SLC41A3: variants seen among roughly 807,000 people sequenced by gnomAD.
SLC41A3 encodes the protein solute carrier family 41 member 3.
Under a neutral mutation model 45.4 loss-of-function variants are expected in SLC41A3, and 44 were observed. The observed-to-expected ratio is 0.97, with a 90% CI of 0.76 to 1.25. The LOEUF (loss-of-function observed/expected upper bound fraction) is 1.25, where lower values mean the gene tolerates loss of function less well. Among genes scored for constraint, SLC41A3 ranks in the 50% most tolerant of loss-of-function variants. The probability of loss-of-function intolerance (pLI) is 0.00; values close to 1 mark genes in which losing one functional copy is unlikely to be tolerated. For missense variants in SLC41A3, 550 were observed against 600.6 expected (o/e 0.92, Z 0.88); for synonymous variants, 256 against 252.4 (o/e 1.01, Z -0.13).
intron 8 of SLC41A3, among the ~76,000 whole-genome samples, chr3:126,013,688 G>C (rs3804586): frequency 6.6e-6 from 1 of 151,916 alleles, no homozygotes; most frequent in African/African-American, 2.4e-5. Flanking sequence ...GTCTGAGAGC[G>C]TTGAAGAAAA....
At chr3:126,057,155 A>G (rs1943722326) in intron 2 of SLC41A3, 6 of 985,360 alleles carry the variant, frequency 6.1e-6, no homozygotes, top group Non-Finnish European at 7.2e-6. Flanking sequence ...CAAGCAGTCT[A>G]TGGGTCCCCA....
chr3:126,043,185 T>C (rs975852005), intron 3 of SLC41A3, among the ~76,000 whole-genome samples: 1 of 152,022 alleles, frequency 6.6e-6, no homozygotes, highest in African/African-American at 2.4e-5. Context: ...CAAAAGATCC[T>C]CAATAAAATC....
At chr3:126,029,363 C>T (rs1007009216) in intron 4 of SLC41A3, among the ~76,000 whole-genome samples, 2 of 136,064 alleles carry the variant, frequency 1.5e-5, no homozygotes, top group Non-Finnish European at 3.2e-5. Context: ...AAGTATGTGG[C>T]ACTCCCTCCC....
intron 1 of SLC41A3, among the ~76,000 whole-genome samples, chr3:126,071,006 T>A (rs1454354665): frequency 6.6e-6 from 1 of 150,802 alleles, no homozygotes; most frequent in African/African-American, 2.4e-5. Flanking sequence ...GAAAAAAAAA[T>A]ATAAAAGAAA....
At chr3:126,058,395 T>G (rs2107950523) in intron 2 of SLC41A3, among the ~76,000 whole-genome samples, 1 of 152,310 alleles carries the variant, frequency 6.6e-6, no homozygotes, top group African/African-American at 2.4e-5. Context: ...CTGGTAGGGA[T>G]GAGCATGTAT....
chr3:126,096,270 G>T (rs1176818860), intron 1 of SLC41A3, among the ~76,000 whole-genome samples: 1 of 152,140 alleles, frequency 6.6e-6, no homozygotes, highest in Non-Finnish European at 1.5e-5. Flanking sequence ...GTTTTTCTTT[G>T]TATAGTCTGC....
At chr3:126,043,466 C>T (rs2107828588) in intron 3 of SLC41A3, among the ~76,000 whole-genome samples, 1 of 151,688 alleles carries the variant, frequency 6.6e-6, no homozygotes, top group South Asian at 2.1e-4. Context: ...TAATATTCTC[C>T]AATAAAGGTA....
chr3:126,083,448 C>T (rs72965923), intron 1 of SLC41A3, among the ~76,000 whole-genome samples: 257 of 152,300 alleles, frequency 1.7e-3, no homozygotes, highest in African/African-American at 6.1e-3. Context: ...AGACCTATCC[C>T]ACCGGCTCTC....
chr3:126,067,094 C>CGCGCG (rs149577703), intron 2 of SLC41A3, among the ~76,000 whole-genome samples: 3,660 of 125,398 alleles, frequency 0.029, 189 homozygotes, highest in East Asian at 0.098. Context: ...GGTTGGACCG[C>CGCGCG]CCCCCCGCCC....
Position 126,012,715 on chromosome 3 carries a change from G to C in SLC41A3, c.1005C>G (p.Ser335Arg), listed in dbSNP as rs1037310826. ...ACATGTGCAGGTAGGTTGAGATTCG[G>C]CTGGTCTGAATGGCCACCAGATTGC... ...VGGNLVAIQT[S>R]RISTYLHMWS... is the part of the protein sequence containing the mutation. The change falls in exon 9 of 11, where the codon AGC (serine) becomes AGG (arginine). Residue 335 changes from serine (S) to arginine (R), a missense_variant. Coordinates refer to ENST00000360370, the MANE Select transcript of SLC41A3 (RefSeq NM_017836.4). The C allele has an allele frequency of 6.2e-7, 1 of 1,614,212 alleles. No homozygotes were observed. Among genetic ancestry groups the C allele is most frequent in the Non-Finnish European group, 8.5e-7 (1 of 1,180,044 alleles).
chr3:126,067,018 G>A (rs1276018095), intron 2 of SLC41A3, among the ~76,000 whole-genome samples: 3 of 137,374 alleles, frequency 2.2e-5, no homozygotes, highest in Non-Finnish European at 4.8e-5. Context: ...TGGATTGACA[G>A]GCAAAATATC....
Position 126,026,652 on chromosome 3 carries a change from C to A in SLC41A3, c.454-173G>T, listed in dbSNP as rs1412057406. On this transcript the variant is annotated intron_variant, in intron 4 of 10. Transcript: ENST00000360370. The surrounding 1 kb of genome is among the most constrained non-coding windows in gnomAD (Gnocchi z 4.2). Reference sequence around the variant, plus strand: ...CAGGAAAAACTAATACCACACCCCACACCTGCCTTGAACTCAACTCCTCCG... The same window carrying A: ...CAGGAAAAACTAATACCACACCCCAAACCTGCCTTGAACTCAACTCCTCCG... 2.6e-5 allele frequency among the ~76,000 whole-genome samples: 4 copies of A among 152,212 alleles called. No individual in the cohort carries two copies. Among genetic ancestry groups the A allele is most frequent in the Non-Finnish European group, 5.9e-5 (4 of 68,034 alleles).
intron 3 of SLC41A3, among the ~76,000 whole-genome samples, chr3:126,043,101 T>C (rs1942702418): frequency 6.6e-6 from 1 of 151,230 alleles, no homozygotes. Flanking sequence ...AGACACATTA[T>C]AAACAAACTA....
intron 10 of SLC41A3, 43 bp downstream of exon 10, chr3:126,008,689 G>A (rs1939388071): frequency 6.3e-7 from 1 of 1,599,916 alleles, no homozygotes; most frequent in Admixed American, 1.7e-5. Context: ...CCTGCTGGCT[G>A]ACTACACAGC....
At chr3:126,099,935 C>T (rs1208060630) in intron 1 of SLC41A3, among the ~76,000 whole-genome samples, 2 of 152,120 alleles carry the variant, frequency 1.3e-5, no homozygotes, top group Non-Finnish European at 2.9e-5. Context: ...GAGGGAATAG[C>T]GGCCTTTGTG....
chr3:126,086,498 C>CTGTG (rs57609698), upstream of SLC41A3, among the ~76,000 whole-genome samples: 1,670 of 133,102 alleles, frequency 0.013, 13 homozygotes, highest in Non-Finnish European at 0.015. Context: ...GCTATAGGAT[C>CTGTG]TGTGTGTGTG....
chr3:126,062,370 C>T (rs1944115280), intron 2 of SLC41A3, among the ~76,000 whole-genome samples: 1 of 152,206 alleles, frequency 6.6e-6, no homozygotes, highest in South Asian at 2.1e-4. Flanking sequence ...ACACAGTTGG[C>T]CTTCACCTCT....
At position 126,026,405 on chromosome 3, in the gene SLC41A3, C is replaced by T. The variant is rs1424187913; in HGVS notation, c.528G>A (p.Val176=). ...LLLGVVSREE[V]DVAKVELLCA... is the part of the protein sequence containing the mutation. ...ACAGCAACTCCACCTTGGCGACATC[C>T]ACTTCCTCTCGAGACACCACGCCCA... Residue 176 remains valine, a synonymous_variant, in exon 5 of 11, where the codon GTG becomes GTA. Coordinates refer to ENST00000360370, the MANE Select transcript of SLC41A3 (RefSeq NM_017836.4). The surrounding 1 kb of genome is among the most constrained non-coding windows in gnomAD (Gnocchi z 4.2). The T allele has an allele frequency of 1.3e-6, 2 of 1,593,322 alleles. No individual in the cohort carries two copies. Among genetic ancestry groups the T allele is most frequent in the Non-Finnish European group, 1.7e-6 (2 of 1,169,450 alleles).
At chr3:126,017,354 C>T (rs1185538823) in intron 6 of SLC41A3, among the ~76,000 whole-genome samples, 4 of 152,220 alleles carry the variant, frequency 2.6e-5, no homozygotes, top group African/African-American at 7.2e-5. Context: ...GGCCTGGGTC[C>T]ATGGAACGCC....
Sources: gnomAD v4.1 joint callset for allele counts (sites outside exome capture counted in the v4.1 genomes callset) on GRCh38, gnomAD v4.1.1 for gene constraint, Gnocchi (gnomAD v3.1) non-coding constraint, MANE v1.5 for transcripts, NCBI Gene and HGNC (gene_info 2026-07-23, HGNC 2026-07-21) for gene names.